Variants in FNBP1 observed in about 807,000 individuals in gnomAD.
FNBP1 encodes the protein formin-binding protein 1.
In FNBP1, 26 loss-of-function variants were observed where a neutral mutation model predicts 90.6. That is an observed-to-expected ratio of 0.29 (90% confidence interval 0.21 to 0.40). The LOEUF (loss-of-function observed/expected upper bound fraction) is 0.40. FNBP1 is among the 10% of genes least tolerant of loss of function. FNBP1 has a pLI of 1.00. For missense variants in FNBP1, 635 were observed against 768.0 expected (o/e 0.83, Z 2.05); for synonymous variants, 260 against 265.2 (o/e 0.98, Z 0.19).
intron 1 of FNBP1, among the ~76,000 whole-genome samples, chr9:130,001,746 G>A (rs764468945): frequency 9.9e-5 from 15 of 151,862 alleles, no homozygotes; most frequent in Non-Finnish European, 1.5e-4. Context: ...CTTCCTAGCC[G>A]GGCATGGTGG....
Position 129,994,912 on chromosome 9 carries a change from A to G in FNBP1, c.71T>C (p.Ile24Thr). ...CACAAACTTGATATATTTCTCAAGA[A>G]TATCAATTCCCCACTGTGTGTGTTT... ...LEKHTQWGID[I>T]LEKYIKFVKE... Residue 24 changes from isoleucine (I) to threonine (T), a missense_variant, in exon 2 of 17, where the codon ATT (isoleucine) becomes ACT (threonine). Physicochemically the swap from Ile to Thr is moderately conservative, Grantham distance 89 (BLOSUM62 -1). Coordinates refer to ENST00000446176, the MANE Select transcript of FNBP1 (RefSeq NM_015033.3). The G allele has an allele frequency of 6.2e-7, 1 of 1,608,994 alleles. No homozygotes were observed. Among genetic ancestry groups the G allele is most frequent in the Non-Finnish European group, 8.5e-7 (1 of 1,176,566 alleles).
rs1490669072 is a variant in FNBP1, at chr9:129,915,038, C to T, written c.1185+928G>A. The T allele has an allele frequency of 1.6e-5, 4 of 255,996 alleles. No individual in the cohort carries two copies. The East Asian group carries it at 3.3e-4, about 21-fold the overall frequency. 15.9% of individuals were successfully genotyped at this position (255,996 alleles called of 1,614,324 possible). ...GGCATATACAATTAAGTAGAAACGA[C>T]ACAAAACACTGAGTGAATAATTCTA... On this transcript the variant is annotated intron_variant, in intron 11 of 16. Transcript: ENST00000446176.
At chr9:129,913,718 C>A (rs2039759582) in intron 11 of FNBP1, among the ~76,000 whole-genome samples, 1 of 151,968 alleles carries the variant, frequency 6.6e-6, no homozygotes, top group South Asian at 2.1e-4. Flanking sequence ...TTGCAGTGAG[C>A]CGAGATCGCG....
In FNBP1 at chr9:130,042,105, G is replaced by C. The variant is rs78245263; in HGVS notation, c.24+847C>G. Among the ~76,000 whole-genome samples, 6 of 151,856 alleles carry C rather than the reference G, an allele frequency of 4.0e-5. No individual in the cohort carries two copies. Among genetic ancestry groups the C allele is most frequent in the African/African-American group, 1.2e-4 (5 of 41,334 alleles). Reference sequence around the variant, plus strand: ...GAGCTCCATCCACAGCCAGCCCCTCGCCTTTCCGGGGACGGCCCTCAGCCC... The same window carrying C: ...GAGCTCCATCCACAGCCAGCCCCTCCCCTTTCCGGGGACGGCCCTCAGCCC... On this transcript the variant is annotated intron_variant, in intron 1 of 16. Coordinates refer to ENST00000446176, the MANE Select transcript of FNBP1 (RefSeq NM_015033.3). The surrounding 1 kb of genome is among the most constrained non-coding windows in gnomAD (Gnocchi z 5.5).
chr9:129,959,766 G>A (rs1320338358), intron 4 of FNBP1, among the ~76,000 whole-genome samples: 4 of 151,768 alleles, frequency 2.6e-5, no homozygotes, highest in Non-Finnish European at 4.4e-5. Flanking sequence ...CCATCACCAC[G>A]ACCAATTTTA....
chr9:129,924,935 C>CT, intron 9 of FNBP1, 25 bp downstream of exon 9: 1 of 1,583,646 alleles, frequency 6.3e-7, no homozygotes, highest in Non-Finnish European at 8.6e-7. Context: ...CCTTAGAAAA[C>CT]TCATTTCACG....
rs2048692440 is a variant in FNBP1 at position 129,966,723 on chromosome 9, A to ACTC, written c.346-8173_346-8171dup. Reference sequence around the variant, plus strand: ...TTCCAAGTCTGGGTGATGGAGCGAGACTCCGTCTAAACAACAACAACAACA... The same window carrying ACTC: ...TTCCAAGTCTGGGTGATGGAGCGAGACTCCTCCGTCTAAACAACAACAACAACA... On this transcript the variant is annotated intron_variant, in intron 4 of 16. Coordinates refer to ENST00000446176, the MANE Select transcript of FNBP1 (RefSeq NM_015033.3). The surrounding 1 kb of genome is among the most constrained non-coding windows in gnomAD (Gnocchi z 4.3). 6.6e-6 allele frequency among the ~76,000 whole-genome samples: 1 copy of ACTC among 150,628 alleles called. No individual in the cohort carries two copies. Among genetic ancestry groups the ACTC allele is most frequent in the Admixed American group, 6.7e-5 (1 of 14,982 alleles).
chr9:129,896,130 G>T, intron 15 of FNBP1, 134 bp from the exon 16 acceptor site: 2 of 837,862 alleles, frequency 2.4e-6, no homozygotes, highest in Non-Finnish European at 3.7e-6. Context: ...GACCTTCTCA[G>T]ATGCACGGAC....
At chr9:129,975,089 G>T (rs1344381100) in intron 4 of FNBP1, among the ~76,000 whole-genome samples, 1 of 151,884 alleles carries the variant, frequency 6.6e-6, no homozygotes, top group Admixed American at 6.6e-5. Flanking sequence ...CATGGTAGGG[G>T]GTACCTGTAA....
chr9:129,953,582 T>C (rs976135631), intron 6 of FNBP1, among the ~76,000 whole-genome samples: 10 of 152,056 alleles, frequency 6.6e-5, no homozygotes, highest in African/African-American at 2.2e-4. Context: ...TGCTTCTAAA[T>C]TGATCATAGG....
chr9:129,905,294 G>GTATATATATA (rs56217495), intron 12 of FNBP1, among the ~76,000 whole-genome samples: 33,226 of 131,698 alleles, frequency 0.25, 4,437 homozygotes, highest in African/African-American at 0.31. Context: ...GTGTGTGTGT[G>GTATATATATA]TATATATATA....
intron 12 of FNBP1, among the ~76,000 whole-genome samples, chr9:129,907,840 T>C (rs2038437307): frequency 6.6e-6 from 1 of 151,924 alleles, no homozygotes; most frequent in Non-Finnish European, 1.5e-5. Flanking sequence ...GCCATTCTCC[T>C]GTCTCAGCCT....
chr9:130,007,438 A>G (rs1343766772), intron 1 of FNBP1, among the ~76,000 whole-genome samples: 1 of 152,088 alleles, frequency 6.6e-6, no homozygotes, highest in African/African-American at 2.4e-5. Flanking sequence ...GCTCTGAGCC[A>G]AATGTGTTCT....
At chr9:129,911,568 GC>G (rs1162307858) in intron 11 of FNBP1, among the ~76,000 whole-genome samples, 1 of 152,160 alleles carries the variant, frequency 6.6e-6, no homozygotes, top group African/African-American at 2.4e-5. Context: ...GATGCTCTGT[GC>G]CCCCTCCCCC....
At chr9:129,943,679 G>A (rs1284797090) in intron 6 of FNBP1, among the ~76,000 whole-genome samples, 7 of 152,020 alleles carry the variant, frequency 4.6e-5, no homozygotes, top group Non-Finnish European at 2.9e-5. Flanking sequence ...GAGCCACTGC[G>A]CCCGGCCTAA....
intron 6 of FNBP1, among the ~76,000 whole-genome samples, chr9:129,949,431 A>G (rs1361986271): frequency 6.6e-6 from 1 of 152,176 alleles, no homozygotes; most frequent in African/African-American, 2.4e-5. Context: ...CTTACTTTTA[A>G]TTAAACTGGG....
chr9:129,907,957 G>A (rs1463001090), intron 12 of FNBP1, among the ~76,000 whole-genome samples: 3 of 151,912 alleles, frequency 2.0e-5, no homozygotes, highest in Non-Finnish European at 1.5e-5. Context: ...TCGATCTCCT[G>A]ACCTTGTGAT....
chr9:129,996,327 G>A (rs1350954077), intron 1 of FNBP1, among the ~76,000 whole-genome samples: 1 of 152,154 alleles, frequency 6.6e-6, no homozygotes. Flanking sequence ...GGCCCAGGAA[G>A]CAGAGCCCAG....
At chr9:130,014,454 A>G (rs142918596) in intron 1 of FNBP1, among the ~76,000 whole-genome samples, 5,416 of 151,670 alleles carry the variant, frequency 0.036, 190 homozygotes, top group African/African-American at 0.086. Flanking sequence ...GTTTTGCCAT[A>G]TTGGCCAGGC....
Sources: allele counts gnomAD v4.1 joint callset (sites outside exome capture counted in the v4.1 genomes callset), GRCh38; gene constraint gnomAD v4.1.1; non-coding constraint Gnocchi (gnomAD v3.1); transcripts MANE v1.5; gene names NCBI Gene and HGNC (gene_info 2026-07-23, HGNC 2026-07-21).